The following BCL2L14 variants were observed in gnomAD, a reference collection of about 807,000 sequenced individuals.
The protein encoded by BCL2L14 is BCL2 like 14, also known as apoptosis facilitator Bcl-2-like protein 14.
Under a neutral mutation model 35.3 loss-of-function variants are expected in BCL2L14, and 27 were observed. That is an observed-to-expected ratio of 0.76 (90% CI 0.56 to 1.05). BCL2L14 has a LOEUF of 1.05. BCL2L14 is among the 50% of genes least tolerant of loss of function. BCL2L14 has a pLI of 0.00. For synonymous variants in BCL2L14, 139 were observed against 145.9 expected, an observed-to-expected ratio of 0.95 and a Z score of 0.34; for missense variants, 377 against 382.6, an observed-to-expected ratio of 0.99 and a Z score of 0.12.
At chr12:12,064,749 C>A (rs1339847584) in intron 2 of BCL2L14, among the ~76,000 whole-genome samples, 5 of 152,196 alleles carry the variant, frequency 3.3e-5, no homozygotes, top group African/African-American at 4.8e-5. Flanking sequence ...TGTTTATCAC[C>A]GTGGCTTCCT....
At chr12:12,065,094 G>T (rs888555933) in intron 2 of BCL2L14, among the ~76,000 whole-genome samples, 5 of 152,158 alleles carry the variant, frequency 3.3e-5, no homozygotes, top group African/African-American at 1.2e-4. Context: ...ACTGACGAAA[G>T]ATAGATTAAC....
chr12:12,054,380 T>C (rs1313517717), intron 2 of BCL2L14, among the ~76,000 whole-genome samples: 1 of 151,804 alleles, frequency 6.6e-6, no homozygotes, highest in Non-Finnish European at 1.5e-5. Context: ...GGCAGGTGCC[T>C]GTAATCCCAG....
In BCL2L14 at chr12:12,070,991, A is replaced by T. The variant is rs1330723115; in HGVS notation, c.-154A>T. ...AAGAAAGTTTAGAGCCTGGGGCTCT[A>T]AACTACCTGAGTCTTTCCAAACGAC... On this transcript the variant is annotated 5_prime_UTR_variant, in exon 1 of 6. Coordinates refer to ENST00000308721, the MANE Select transcript of BCL2L14 (RefSeq NM_138723.2). 6.6e-6 allele frequency: 1 copy of T among 152,182 alleles called. No individual in the cohort carries two copies. Among genetic ancestry groups the T allele is most frequent in the Non-Finnish European group, 1.5e-5 (1 of 68,020 alleles). 9.4% of individuals were successfully genotyped at this position (152,182 alleles called of 1,614,324 possible). A position where few individuals can be genotyped will look rare whatever the true frequency, so the allele number is the denominator to read the frequency against.
intron 2 of BCL2L14, chr12:12,055,133 A>T (rs1472693142): frequency 6.6e-6 from 1 of 152,218 alleles, no homozygotes; most frequent in Non-Finnish European, 1.5e-5. Context: ...CCACTCACAC[A>T]TCTAGGAAAG....
At chr12:12,090,665 T>A in intron 3 of BCL2L14, 114 bp from the exon 4 acceptor site, 1 of 646,244 alleles carries the variant, frequency 1.5e-6, no homozygotes, top group African/African-American at 1.9e-5. Flanking sequence ...AAAAAAGAAT[T>A]AGCATGCCTC....
chr12:12,062,414 GCTATA>G (rs956860170), intron 2 of BCL2L14, among the ~76,000 whole-genome samples: 7 of 148,956 alleles, frequency 4.7e-5, no homozygotes, highest in African/African-American at 1.8e-4. Flanking sequence ...GCAAAGGCAG[GCTATA>G]CTATAGTACA....
In BCL2L14 at chr12:12,050,750, T is replaced by C. The variant is rs1304119164; in HGVS notation, c.-324+796T>C. Among the ~76,000 whole-genome samples, 4 of 140,872 alleles carry C rather than the reference T, an allele frequency of 2.8e-5. No individual in the cohort carries two copies. The Admixed American group carries it at 3.0e-4, about 11-fold the overall frequency. The allele number at this position is 140,872 out of a possible 152,430, so 92.4% of individuals were successfully genotyped here. A position where few individuals can be genotyped will look rare whatever the true frequency, so the allele number is the denominator to read the frequency against. The stretch of plus-strand genomic sequence containing the variant: ...GGGCCACACTGGAAGAAGAATTGTC[T>C]TGGGCCACACATAAAACACACTAAC... On this transcript the variant is annotated intron_variant, in intron 1 of 3. Coordinates refer to the BCL2L14 transcript ENST00000461264.
chr12:12,066,070 C>G (rs571990089), upstream of BCL2L14, among the ~76,000 whole-genome samples: 3 of 152,152 alleles, frequency 2.0e-5, no homozygotes, highest in African/African-American at 7.2e-5. Context: ...GAATTACAGG[C>G]GTGAGCCACC....
chr12:12,069,249 A>T (rs1378458216), upstream of BCL2L14, among the ~76,000 whole-genome samples: 1 of 152,134 alleles, frequency 6.6e-6, no homozygotes, highest in Non-Finnish European at 1.5e-5. Flanking sequence ...TGTGTTGTCC[A>T]GGCTGGTCTT....
upstream of BCL2L14, among the ~76,000 whole-genome samples, chr12:12,070,287 G>C (rs1948648624): frequency 6.6e-6 from 1 of 152,212 alleles, no homozygotes; most frequent in African/African-American, 2.4e-5. Context: ...TTGGATCTCA[G>C]CTCAACTGAT....
intron 1 of BCL2L14, chr12:12,072,375 G>C (rs1948686019): frequency 6.6e-6 from 1 of 152,354 alleles, no homozygotes; most frequent in South Asian, 2.1e-4. Context: ...ACCCGGCCAG[G>C]CAGCCAGTGT....
intron 2 of BCL2L14, among the ~76,000 whole-genome samples, chr12:12,059,366 T>C (rs527739557): frequency 1.3e-5 from 2 of 152,164 alleles, no homozygotes; most frequent in South Asian, 4.2e-4. Flanking sequence ...AGTCCGGCTT[T>C]TCTGGAGGAG....
intron 2 of BCL2L14, 120 bp from the exon 3 acceptor site, chr12:12,087,093 T>A: frequency 1.8e-6 from 2 of 1,110,972 alleles, no homozygotes; most frequent in Non-Finnish European, 2.6e-6. Flanking sequence ...CCAGCACACA[T>A]ACTCCCAGGC....
At chr12:12,065,032 T>G (rs1415298920) in intron 2 of BCL2L14, among the ~76,000 whole-genome samples, 1 of 152,114 alleles carries the variant, frequency 6.6e-6, no homozygotes, top group African/African-American at 2.4e-5. Context: ...GAGAAGAAAA[T>G]TTATTTTTCC....
intron 4 of BCL2L14, 168 bp from the exon 5 acceptor site, chr12:12,094,496 A>G: frequency 6.2e-7 from 1 of 1,607,810 alleles, no homozygotes; most frequent in Non-Finnish European, 8.5e-7. Flanking sequence ...GTACATGCCC[A>G]TTCTGGTTCT....
intron 2 of BCL2L14, among the ~76,000 whole-genome samples, chr12:12,053,796 T>C (rs1415028523): frequency 6.6e-6 from 1 of 152,148 alleles, no homozygotes; most frequent in East Asian, 1.9e-4. Flanking sequence ...ATACTGATGA[T>C]TGAAGTGGAG....
At chr12:12,067,947 T>G (rs1484831800), upstream of BCL2L14, among the ~76,000 whole-genome samples, 1 of 152,044 alleles carries the variant, frequency 6.6e-6, no homozygotes, top group African/African-American at 2.4e-5. Flanking sequence ...GGACTTTTTT[T>G]TTTTGAGACA....
chr12:12,070,305 C>T (rs985230745), upstream of BCL2L14, among the ~76,000 whole-genome samples: 1 of 152,144 alleles, frequency 6.6e-6, no homozygotes, highest in Non-Finnish European at 1.5e-5. Flanking sequence ...GATAGGGATC[C>T]GTAGCAAGAT....
upstream of BCL2L14, chr12:12,068,091 G>T (rs1286840205): frequency 5.0e-6 from 2 of 397,490 alleles, no homozygotes; most frequent in East Asian, 7.1e-5. Context: ...CTACAGGTGT[G>T]CTCCACCACG....
Sources: gnomAD v4.1 joint callset for allele counts (sites outside exome capture counted in the v4.1 genomes callset) on GRCh38, gnomAD v4.1.1 for gene constraint, MANE v1.5 for transcripts, NCBI Gene and HGNC (gene_info 2026-07-23, HGNC 2026-07-21) for gene names.